Variants in CNKSR2 observed in about 807,000 individuals in gnomAD.
CNKSR2 encodes the protein connector enhancer of kinase suppressor of Ras 2.
A neutral mutation model predicts 84.4 loss-of-function variants in CNKSR2; 14 were observed. The ratio of observed to expected loss-of-function variants is 0.17; its 90% CI spans 0.11 to 0.26. CNKSR2 has a LOEUF of 0.26. Ranked by LOEUF, CNKSR2 falls within the 10% of genes least tolerant of loss-of-function variation. CNKSR2 has a pLI of 1.00. For missense variants in CNKSR2, 485 were observed against 771.2 expected (o/e 0.63, Z 4.40); for synonymous variants, 275 against 277.9 (o/e 0.99, Z 0.10).
chrX:21,490,784 A>C (rs1318885602), intron 6 of CNKSR2: 4 of 277,147 alleles, frequency 1.4e-5, no homozygotes, highest in Non-Finnish European at 2.5e-5. Flanking sequence ...AGGAGAATTG[A>C]AAATGGTGAC....
At chrX:21,545,077 C>T (rs2092011836) in intron 11 of CNKSR2, among the ~76,000 whole-genome samples, 1 of 111,145 alleles carries the variant, frequency 9.0e-6, no homozygotes, top group African/African-American at 3.3e-5. Context: ...GCCAGGGAGC[C>T]AAGGGATCTA....
chrX:21,410,743 T>C (rs1422765930), intron 1 of CNKSR2, among the ~76,000 whole-genome samples: 1 of 111,197 alleles, frequency 9.0e-6, no homozygotes, highest in African/African-American at 3.3e-5. Context: ...TAGCCTAGTA[T>C]TTTAGAACAC....
At chrX:21,514,091 A>C (rs1601886598) in intron 8 of CNKSR2, among the ~76,000 whole-genome samples, 1 of 111,944 alleles carries the variant, frequency 8.9e-6, no homozygotes, top group Admixed American at 9.5e-5. Context: ...AAGTGGAATA[A>C]AATTATGTTT....
intron 20 of CNKSR2, among the ~76,000 whole-genome samples, chrX:21,614,579 T>C (rs185568661): frequency 1.4e-4 from 15 of 105,937 alleles, no homozygotes; most frequent in Admixed American, 8.7e-4. Flanking sequence ...ATAACAAATA[T>C]GTATTTAAAA....
Position 21,606,836 on chromosome X carries a change from A to T in CNKSR2, c.2102A>T (p.Asp701Val). 1.7e-6 allele frequency: 2 copies of T among 1,200,875 alleles called. No individual in the cohort carries two copies. The highest frequency in any genetic ancestry group is 5.9e-5 in the East Asian group (2 of 33,631). Reference protein sequence around the residue: ...EADTPSTPKQDSPPPPYDTYP... With the variant: ...EADTPSTPKQVSPPPPYDTYP... ...GATACTCCATCAACACCAAAACAAGATAGCCCTCCACCCCCATATGATACA... is the reference window on the plus strand; with the variant it reads ...GATACTCCATCAACACCAAAACAAGTTAGCCCTCCACCCCCATATGATACA... The change falls in exon 19 of 22, where the codon GAT (aspartate) becomes GTT (valine). Residue 701 changes from aspartate to valine, a missense_variant. By Grantham distance (152) the Asp-to-Val change is radical. Coordinates refer to ENST00000379510, the MANE Select transcript of CNKSR2 (RefSeq NM_014927.5).
chrX:21,629,597 A>G (rs1001822426), intron 20 of CNKSR2, among the ~76,000 whole-genome samples: 6 of 111,503 alleles, frequency 5.4e-5, no homozygotes, highest in African/African-American at 2.0e-4. Flanking sequence ...GGAAACTCCC[A>G]TTTTTAAAAC....
At chrX:21,649,955 G>A (rs1427683885) in intron 21 of CNKSR2, among the ~76,000 whole-genome samples, 1 of 111,856 alleles carries the variant, frequency 8.9e-6, no homozygotes, top group South Asian at 3.8e-4. Flanking sequence ...GGAGAAATAG[G>A]AACTCTTTTA....
At chrX:21,554,563 TGTAA>T (rs981099930) in intron 11 of CNKSR2, among the ~76,000 whole-genome samples, 5 of 111,531 alleles carry the variant, frequency 4.5e-5, no homozygotes, top group Non-Finnish European at 3.8e-5. Flanking sequence ...AGCTCCCACT[TGTAA>T]GTGAGAACAT....
chrX:21,380,443 CTTTTTTTTTTTT>C (rs1213793885), intron 1 of CNKSR2, among the ~76,000 whole-genome samples: 1 of 70,323 alleles, frequency 1.4e-5, no homozygotes, highest in Non-Finnish European at 2.7e-5. Flanking sequence ...TCAATTTGTT[CTTTTTTTTTTTT>C]TTTTTTTTTG....
At chrX:21,430,812 G>A (rs982174635) in intron 2 of CNKSR2, among the ~76,000 whole-genome samples, 1 of 111,342 alleles carries the variant, frequency 9.0e-6, no homozygotes, top group African/African-American at 3.3e-5. Flanking sequence ...TGTAGTGACC[G>A]GCTGGACAAA....
chrX:21,525,981 T>C (rs2091831225), intron 9 of CNKSR2, among the ~76,000 whole-genome samples: 1 of 111,227 alleles, frequency 9.0e-6, no homozygotes, highest in South Asian at 3.7e-4. Flanking sequence ...TAGTTTCACT[T>C]CAGGATAATT....
At chrX:21,402,233 CAT>C (rs1178207363) in intron 1 of CNKSR2, among the ~76,000 whole-genome samples, 1 of 111,115 alleles carries the variant, frequency 9.0e-6, no homozygotes, top group Non-Finnish European at 1.9e-5. Context: ...TAAGTAAGGA[CAT>C]AGAGTTGCAA....
intron 1 of CNKSR2, among the ~76,000 whole-genome samples, chrX:21,378,006 C>G (rs1048189531): frequency 1.1e-4 from 12 of 110,818 alleles, no homozygotes; most frequent in African/African-American, 3.3e-4. Context: ...TAAGGAAATC[C>G]TTGTATTCTT....
intron 20 of CNKSR2, among the ~76,000 whole-genome samples, chrX:21,626,411 G>T (rs746901655): frequency 1.8e-5 from 2 of 111,437 alleles, no homozygotes; most frequent in East Asian, 5.6e-4. Context: ...TAGAAGTTTG[G>T]ATTGTATCAC....
intron 1 of CNKSR2, among the ~76,000 whole-genome samples, chrX:21,415,118 A>G (rs1429053765): frequency 8.9e-6 from 1 of 111,813 alleles, no homozygotes; most frequent in Non-Finnish European, 1.9e-5. Flanking sequence ...TAGGGATTGC[A>G]TTGAATCTGT....
At chrX:21,413,201 T>G (rs1014833461) in intron 1 of CNKSR2, among the ~76,000 whole-genome samples, 7 of 111,753 alleles carry the variant, frequency 6.3e-5, no homozygotes, top group Non-Finnish European at 9.4e-5. Context: ...TCACTTAGCA[T>G]AATGTCTTCA....
At chrX:21,621,332 A>T (rs1367759714) in intron 20 of CNKSR2, among the ~76,000 whole-genome samples, 1 of 111,430 alleles carries the variant, frequency 9.0e-6, no homozygotes, top group Non-Finnish European at 1.9e-5. Flanking sequence ...CACTTACTTT[A>T]TTTTTTAATC....
intron 1 of CNKSR2, among the ~76,000 whole-genome samples, chrX:21,412,360 A>G (rs2090357221): frequency 8.9e-6 from 1 of 112,369 alleles, no homozygotes; most frequent in South Asian, 3.7e-4. Flanking sequence ...ATTCTTCATG[A>G]CACGAATTAC....
At chrX:21,391,166 A>T (rs151236693) in intron 1 of CNKSR2, among the ~76,000 whole-genome samples, 1 of 112,381 alleles carries the variant, frequency 8.9e-6, no homozygotes, top group East Asian at 2.8e-4. Flanking sequence ...TTCCAGGTAC[A>T]TGGTGCAAGC....
Sources: allele counts gnomAD v4.1 joint callset (sites outside exome capture counted in the v4.1 genomes callset), GRCh38; gene constraint gnomAD v4.1.1; transcripts MANE v1.5; gene names NCBI Gene and HGNC (gene_info 2026-07-23, HGNC 2026-07-21).